Variants in HECW2 observed in about 807,000 individuals in gnomAD.
HECW2 encodes the protein E3 ubiquitin-protein ligase HECW2.
HECW2 carries 61 observed loss-of-function variants against 175.2 expected under a neutral mutation model. That is an observed-to-expected ratio of 0.35 (90% confidence interval 0.28 to 0.43). The LOEUF (loss-of-function observed/expected upper bound fraction) is 0.43, where lower values mean the gene tolerates loss of function less well. Ranked by LOEUF, HECW2 falls within the 20% of genes least tolerant of loss-of-function variation. The probability of loss-of-function intolerance (pLI) is 1.00; values close to 1 mark genes in which losing one functional copy is unlikely to be tolerated. For missense variants in HECW2, 1,524 were observed against 2,000.5 expected (o/e 0.76, Z 4.54); for synonymous variants, 671 against 731.0 (o/e 0.92, Z 1.32).
chr2:196,388,024 C>T (rs1694399194), intron 2 of HECW2, among the ~76,000 whole-genome samples: 1 of 152,104 alleles, frequency 6.6e-6, no homozygotes, highest in Non-Finnish European at 1.5e-5. Flanking sequence ...GAAACAGTGT[C>T]TCACACCTAT....
At chr2:196,502,006 C>T (rs1207241647) in intron 1 of HECW2, among the ~76,000 whole-genome samples, 3 of 152,204 alleles carry the variant, frequency 2.0e-5, no homozygotes, top group Admixed American at 6.5e-5. Flanking sequence ...AGATTACAAT[C>T]ACTCAAGTCA....
intron 2 of HECW2, among the ~76,000 whole-genome samples, chr2:196,383,260 T>C (rs150528549): frequency 0.014 from 2,124 of 152,340 alleles, 30 homozygotes; most frequent in Middle Eastern, 0.024. Context: ...GGTCAAATTC[T>C]GTTTGGGCTA....
chr2:196,228,062 G>A lies in HECW2; in HGVS notation c.3917+40C>T, dbSNP rs10497781. On this transcript the variant is annotated intron_variant, in intron 22 of 28. Coordinates refer to ENST00000644978, the MANE Select transcript of HECW2 (RefSeq NM_001348768.2). ...TTCTATAAAAAAACTAATATCATAG[G>A]AAATCGCCTGAAGAAAAGTGTTGGG... is the stretch of plus-strand genomic sequence containing the variant. The A allele has an allele frequency of 9.5e-3, 14,074 of 1,480,574 alleles. 1,149 individuals carry two copies. The African/African-American group carries it at 0.18, about 19-fold the overall frequency. The allele number at this position is 1,480,574 out of a possible 1,614,324, so 91.7% of individuals were successfully genotyped here. A position where few individuals can be genotyped will look rare whatever the true frequency, so the allele number is the denominator to read the frequency against.
chr2:196,256,975 C>T lies in HECW2; in HGVS notation c.3419+848G>A, dbSNP rs189613882. ...AGAAATATGGCAACAAATATGGCAA[C>T]TATGGAATGGAGAATTAGAAATGGT... is the stretch of plus-strand genomic sequence containing the variant. On this transcript the variant is annotated intron_variant, in intron 18 of 28. Coordinates refer to ENST00000644978, the MANE Select transcript of HECW2 (RefSeq NM_001348768.2). Among the ~76,000 whole-genome samples, 996 of 152,318 alleles carry T rather than the reference C, an allele frequency of 6.5e-3. 3 individuals carry two copies. The highest frequency in any genetic ancestry group is 0.014 in the Admixed American group (219 of 15,310).
At chr2:196,241,719 G>A (rs932173552) in intron 20 of HECW2, among the ~76,000 whole-genome samples, 1 of 152,154 alleles carries the variant, frequency 6.6e-6, no homozygotes, top group Non-Finnish European at 1.5e-5. Flanking sequence ...CCTACACTCA[G>A]GTCAGTTCAG....
chr2:196,234,573 G>T (rs1688172658), intron 21 of HECW2, among the ~76,000 whole-genome samples: 1 of 152,054 alleles, frequency 6.6e-6, no homozygotes, highest in African/African-American at 2.4e-5. Flanking sequence ...GGGATTATAG[G>T]TATGAGCCAC....
At chr2:196,286,297 C>A (rs983652411) in intron 14 of HECW2, among the ~76,000 whole-genome samples, 3 of 151,324 alleles carry the variant, frequency 2.0e-5, no homozygotes, top group Admixed American at 6.6e-5. Flanking sequence ...ATAAAGTTAT[C>A]CAAATTACCA....
intron 10 of HECW2, among the ~76,000 whole-genome samples, chr2:196,314,980 A>G (rs990635657): frequency 6.6e-6 from 1 of 152,184 alleles, no homozygotes; most frequent in Non-Finnish European, 1.5e-5. Context: ...ACAGACAAGT[A>G]GCAAGGGCAG....
At chr2:196,554,563 C>G (rs1385990792) in intron 1 of HECW2, among the ~76,000 whole-genome samples, 8 of 152,214 alleles carry the variant, frequency 5.3e-5, no homozygotes, top group African/African-American at 1.9e-4. Context: ...GAATTTCCTT[C>G]ACCTAGCCAA....
intron 21 of HECW2, among the ~76,000 whole-genome samples, chr2:196,229,256 A>G (rs549678714): frequency 6.6e-6 from 1 of 151,690 alleles, no homozygotes; most frequent in African/African-American, 2.4e-5. Context: ...TTCTCCCTCT[A>G]TCTTATTTTT....
intron 1 of HECW2, among the ~76,000 whole-genome samples, chr2:196,526,605 G>T (rs1170568608): frequency 6.9e-6 from 1 of 144,432 alleles, no homozygotes; most frequent in Non-Finnish European, 1.5e-5. Flanking sequence ...CCATCTTTGT[G>T]GTTTTATCTA....
chr2:196,466,026 C>T (rs1376423955), intron 1 of HECW2, among the ~76,000 whole-genome samples: 2 of 152,204 alleles, frequency 1.3e-5, no homozygotes, highest in African/African-American at 2.4e-5. Flanking sequence ...GTTTCTCTAA[C>T]AGACTGGCTG....
chr2:196,278,133 A>ATATATATATATATATATATCTATATAT (rs1553489735), intron 15 of HECW2, among the ~76,000 whole-genome samples: 1 of 66,552 alleles, frequency 1.5e-5, no homozygotes, highest in Non-Finnish European at 3.3e-5. Context: ...ATAATTAAAA[A>ATATATATATATATATATATCTATATAT]ATATATATAT....
chr2:196,566,910 G>C, intron 1 of HECW2, among the ~76,000 whole-genome samples: 1 of 152,082 alleles, frequency 6.6e-6, no homozygotes, highest in South Asian at 2.1e-4. Flanking sequence ...CTAAGATTCC[G>C]AGGAATTAAG....
chr2:196,464,318 A>T (rs1696862854), intron 1 of HECW2, among the ~76,000 whole-genome samples: 2 of 152,208 alleles, frequency 1.3e-5, no homozygotes, highest in South Asian at 4.1e-4. Flanking sequence ...AATTTCAGGT[A>T]GAACTAGGGT....
intron 18 of HECW2, 54 bp downstream of exon 18, chr2:196,257,769 T>G (rs6731238): frequency 0.57 from 688,965 of 1,199,352 alleles, 206,823 homozygotes; most frequent in Non-Finnish European, 0.63. Context: ...CAATGTTCCA[T>G]GATATCTGAT....
intron 2 of HECW2, among the ~76,000 whole-genome samples, chr2:196,374,616 G>T (rs938731187): frequency 5.3e-5 from 8 of 152,134 alleles, no homozygotes; most frequent in Non-Finnish European, 1.0e-4. Context: ...CAACTATTTT[G>T]ACATTTGAAA....
At chr2:196,204,374 T>C (rs893538123) in intron 28 of HECW2, among the ~76,000 whole-genome samples, 1 of 152,022 alleles carries the variant, frequency 6.6e-6, no homozygotes, top group Non-Finnish European at 1.5e-5. Context: ...ATAGCTATTG[T>C]AATGGGTATG....
chr2:196,436,302 G>A (rs1373155777), intron 1 of HECW2, among the ~76,000 whole-genome samples: 2 of 151,414 alleles, frequency 1.3e-5, no homozygotes, highest in African/African-American at 4.9e-5. Context: ...TCGGGAGGCT[G>A]AGGCAGGAGA....
Sources: allele counts gnomAD v4.1 joint callset (sites outside exome capture counted in the v4.1 genomes callset), GRCh38; gene constraint gnomAD v4.1.1; transcripts MANE v1.5; gene names NCBI Gene and HGNC (gene_info 2026-07-23, HGNC 2026-07-21).